NBEA: variants seen among roughly 807,000 people sequenced by gnomAD.
The protein encoded by NBEA is lysosomal-trafficking regulator 2.
A neutral mutation model predicts 343.4 loss-of-function variants in NBEA; 44 were observed. The ratio of observed to expected loss-of-function variants is 0.13; its 90% confidence interval spans 0.10 to 0.16. NBEA has a LOEUF of 0.16. NBEA is among the 10% of genes least tolerant of loss of function. NBEA has a pLI of 1.00. For synonymous variants in NBEA, 1,175 were observed against 1,238.7 expected (o/e 0.95, Z 1.08); for missense variants, 2,555 against 3,631.3 (o/e 0.70, Z 7.62).
At chr13:34,995,824 C>T (rs1440358014) in intron 1 of NBEA, among the ~76,000 whole-genome samples, 1 of 152,194 alleles carries the variant, frequency 6.6e-6, no homozygotes, top group Non-Finnish European at 1.5e-5. Flanking sequence ...AATCAATGGC[C>T]TCCTGCAAAT....
At chr13:35,623,872 T>C (rs936599770) in intron 48 of NBEA, among the ~76,000 whole-genome samples, 8 of 152,132 alleles carry the variant, frequency 5.3e-5, no homozygotes, top group Non-Finnish European at 1.2e-4. Context: ...CATTTTCTTA[T>C]ACAAATTGTT....
chr13:35,497,339 T>C (rs2076721146), intron 41 of NBEA, among the ~76,000 whole-genome samples: 3 of 152,142 alleles, frequency 2.0e-5, no homozygotes, highest in Admixed American at 2.0e-4. Context: ...ATTAAAACAA[T>C]GTTTTTGTTA....
chr13:35,307,884 T>C (rs897144320), intron 35 of NBEA, among the ~76,000 whole-genome samples: 2 of 152,106 alleles, frequency 1.3e-5, no homozygotes, highest in Admixed American at 1.3e-4. Context: ...GTAATTGTTT[T>C]ATACAGAAAT....
At chr13:35,284,634 T>C (rs2035299780) in intron 34 of NBEA, among the ~76,000 whole-genome samples, 1 of 152,164 alleles carries the variant, frequency 6.6e-6, no homozygotes, top group Admixed American at 6.6e-5. Context: ...CCATTATTGT[T>C]ATTTCAAAGG....
rs2042974745 is a variant in NBEA, at chr13:35,400,917, TTAAGTAGCCCTGCTTTCCTCGTCC to T, written c.6180-31351_6180-31328del. On this transcript the variant is annotated intron_variant, in intron 38 of 58. Transcript: ENST00000379939. ...TTTTCAGAGTGGCTGTACTCCGAGG[TTAAGTAGCCCTGCTTTCCTCGTCC>T]ACATGGCACATCCCTCTTTATCATT... Among the ~76,000 whole-genome samples, 3 of 151,848 alleles carry T rather than the reference TTAAGTAGCCCTGCTTTCCTCGTCC, an allele frequency of 2.0e-5. No homozygotes were observed. In the Admixed American group the frequency reaches 2.0e-4, roughly 10 times the overall value.
intron 39 of NBEA, among the ~76,000 whole-genome samples, chr13:35,436,618 G>T (rs2045454356): frequency 6.6e-6 from 1 of 151,352 alleles, no homozygotes; most frequent in African/African-American, 2.4e-5. Context: ...GCTGAGGCAG[G>T]AGAATGGCAT....
At chr13:35,649,325 G>T (rs2084401905) in intron 51 of NBEA, among the ~76,000 whole-genome samples, 2 of 152,192 alleles carry the variant, frequency 1.3e-5, no homozygotes, top group South Asian at 2.1e-4. Flanking sequence ...AAGCTGCATT[G>T]CATAACTGTG....
chr13:35,576,651 C>A (rs934466051), intron 45 of NBEA, among the ~76,000 whole-genome samples: 3 of 152,036 alleles, frequency 2.0e-5, no homozygotes, highest in Admixed American at 6.6e-5. Context: ...TCTCACTGCC[C>A]AGAGACAACT....
At chr13:35,446,826 T>C (rs886525734) in intron 39 of NBEA, among the ~76,000 whole-genome samples, 2 of 151,966 alleles carry the variant, frequency 1.3e-5, no homozygotes, top group African/African-American at 4.8e-5. Flanking sequence ...TATATAAATA[T>C]ACCTATATAT....
intron 41 of NBEA, among the ~76,000 whole-genome samples, chr13:35,500,980 G>C (rs567738485): frequency 1.3e-5 from 2 of 152,164 alleles, no homozygotes; most frequent in Non-Finnish European, 2.9e-5. Context: ...AAAAAGAAGA[G>C]ACAATAGAAT....
chr13:35,260,732 C>A (rs754675928), intron 34 of NBEA, among the ~76,000 whole-genome samples: 1 of 152,112 alleles, frequency 6.6e-6, no homozygotes, highest in Non-Finnish European at 1.5e-5. Flanking sequence ...AAAATATGAC[C>A]GTGGACCTTT....
chr13:35,500,886 T>G (rs1247747293), intron 41 of NBEA, among the ~76,000 whole-genome samples: 1 of 152,106 alleles, frequency 6.6e-6, no homozygotes, highest in Non-Finnish European at 1.5e-5. Flanking sequence ...TAGAATAGCA[T>G]TTTGCTCCAC....
At chr13:35,271,052 G>A (rs988350569) in intron 34 of NBEA, among the ~76,000 whole-genome samples, 2 of 152,206 alleles carry the variant, frequency 1.3e-5, no homozygotes, top group African/African-American at 4.8e-5. Context: ...TCCTCAAGTG[G>A]GTCCCTGACC....
At chr13:35,221,354 CAAAA>C (rs774749031) in intron 33 of NBEA, among the ~76,000 whole-genome samples, 1 of 148,412 alleles carries the variant, frequency 6.7e-6, no homozygotes, top group South Asian at 2.1e-4. Flanking sequence ...AAAAAAAAAA[CAAAA>C]AACTAAAAAA....
intron 10 of NBEA, among the ~76,000 whole-genome samples, chr13:35,074,253 T>G (rs2064009552): frequency 6.6e-6 from 1 of 152,160 alleles, no homozygotes; most frequent in Non-Finnish European, 1.5e-5. Context: ...TTGAATTGGA[T>G]GATTATGTAG....
chr13:34,954,011 CT>C (rs976020869), intron 1 of NBEA, among the ~76,000 whole-genome samples: 10 of 152,232 alleles, frequency 6.6e-5, no homozygotes, highest in African/African-American at 2.2e-4. Context: ...ACCATTCCCC[CT>C]GAACCCCCCT....
At chr13:35,621,098 T>C (rs1593389490) in intron 48 of NBEA, among the ~76,000 whole-genome samples, 3 of 152,362 alleles carry the variant, frequency 2.0e-5, no homozygotes, top group East Asian at 3.9e-4. Flanking sequence ...GGACATCGAA[T>C]GCTTATTCAT....
chr13:35,391,757 C>G (rs963032302), intron 38 of NBEA, among the ~76,000 whole-genome samples: 2 of 152,068 alleles, frequency 1.3e-5, no homozygotes, highest in African/African-American at 4.8e-5. Context: ...CACAAAATAT[C>G]TAAACAAGTG....
chr13:35,153,143 C>G (rs2068908367), intron 18 of NBEA, among the ~76,000 whole-genome samples: 1 of 151,446 alleles, frequency 6.6e-6, no homozygotes, highest in Non-Finnish European at 1.5e-5. Flanking sequence ...CGCCATTCTC[C>G]TGCCTCAGCC....
Sources: gnomAD v4.1 joint callset for allele counts (sites outside exome capture counted in the v4.1 genomes callset) on GRCh38, gnomAD v4.1.1 for gene constraint, MANE v1.5 for transcripts, NCBI Gene and HGNC (gene_info 2026-07-23, HGNC 2026-07-21) for gene names.